Variants in ZMYND11 observed in about 807,000 individuals in gnomAD.
ZMYND11 encodes zinc finger MYND-type containing 11.
In ZMYND11, 9 loss-of-function variants were observed where a neutral mutation model predicts 84.9. That is an observed-to-expected ratio of 0.11 (90% CI 0.06 to 0.18). ZMYND11 has a LOEUF of 0.18. Ranked by LOEUF, ZMYND11 falls within the 10% of genes least tolerant of loss-of-function variation. The pLI, the probability that ZMYND11 is intolerant of heterozygous loss-of-function variation, is 1.00. For synonymous variants in ZMYND11, 250 were observed against 244.1 expected (o/e 1.02, Z -0.23); for missense variants, 409 against 761.0 (o/e 0.54, Z 5.44).
upstream of ZMYND11, chr10:135,362 CGGGGTCCGGGCGGG>C (rs1835679331): frequency 1.3e-5 from 2 of 150,390 alleles, no homozygotes; most frequent in Non-Finnish European, 3.0e-5. This position sits in a 1 kb window ranked among gnomAD's most constrained non-coding sequence, Gnocchi z 5.6. Context: ...GAGCCGGCGG[CGGGGTCCGGGCGGG>C]GGGGAGCCGG....
chr10:206,973 T>C (rs1944306912), intron 2 of ZMYND11, among the ~76,000 whole-genome samples: 1 of 152,282 alleles, frequency 6.6e-6, no homozygotes, highest in East Asian at 1.9e-4. Context: ...TATCTCCTAA[T>C]GCTATGCCTC....
chr10:207,310 T>A (rs1944374251), intron 2 of ZMYND11, among the ~76,000 whole-genome samples: 1 of 152,220 alleles, frequency 6.6e-6, no homozygotes, highest in Admixed American at 6.5e-5. Context: ...CATGTGCATG[T>A]GTCTTTATAG....
At chr10:209,748 T>C (rs541851316) in intron 2 of ZMYND11, 141 bp from the exon 3 acceptor site, 2,725 of 96,912 alleles carry the variant, frequency 0.028, 16 homozygotes, top group Middle Eastern at 0.076. Flanking sequence ...TCGTGTTCGT[T>C]CTTTATCTTG....
intron 1 of ZMYND11, among the ~76,000 whole-genome samples, chr10:146,830 C>T (rs528411878): frequency 2.5e-4 from 38 of 152,316 alleles, no homozygotes; most frequent in African/African-American, 8.9e-4. Flanking sequence ...ATAAGTCTCA[C>T]AAGATCTGAT....
At position 240,251 on chromosome 10, in the gene ZMYND11, A is replaced by G. The variant is rs547278282; in HGVS notation, c.753+140A>G. 9.4e-5 allele frequency: 64 copies of G among 683,216 alleles called. No individual in the cohort carries two copies. In the African/African-American group the frequency reaches 9.5e-4, roughly 10 times the overall value. 42.3% of individuals were successfully genotyped at this position (683,216 alleles called of 1,614,324 possible). ...CCGGGCGTGGGGGCTCACGCCTGTA[A>G]TCCCAGCACTTTGGGAGGCCAAGTT... On this transcript the variant is annotated intron_variant, in intron 8 of 14. Coordinates refer to ENST00000381604, the MANE Select transcript of ZMYND11 (RefSeq NM_001370100.5).
chr10:144,881 AATATT>A (rs1236319625), intron 1 of ZMYND11, among the ~76,000 whole-genome samples: 8 of 149,942 alleles, frequency 5.3e-5, no homozygotes, highest in African/African-American at 7.3e-5. Context: ...ATATTTTTAA[AATATT>A]AAATATTAAA....
chr10:141,826 T>C (rs1347121146), intron 1 of ZMYND11, among the ~76,000 whole-genome samples: 2 of 152,240 alleles, frequency 1.3e-5, no homozygotes, highest in African/African-American at 4.8e-5. Context: ...AGGATCTTCA[T>C]TCCTAGTTTA....
At chr10:183,724 T>C (rs1848357614) in intron 2 of ZMYND11, among the ~76,000 whole-genome samples, 1 of 152,240 alleles carries the variant, frequency 6.6e-6, no homozygotes, top group African/African-American at 2.4e-5. Flanking sequence ...TTGGAATTCA[T>C]GCATTTAATT....
At chr10:148,367 G>T (rs2131275087) in intron 1 of ZMYND11, 1 of 149,598 alleles carries the variant, frequency 6.7e-6, no homozygotes, top group East Asian at 2.0e-4. Context: ...AACTTCCTTT[G>T]CTCTGGGAAG....
chr10:186,558 T>C (rs1219404633), intron 2 of ZMYND11, among the ~76,000 whole-genome samples: 2 of 145,418 alleles, frequency 1.4e-5, no homozygotes, highest in African/African-American at 2.5e-5. Context: ...GGAGAATCAC[T>C]TGAATCTGGG....
Position 227,555 on chromosome 10 carries a change from A to G in ZMYND11, c.438+6199A>G, listed in dbSNP as rs957649288. Among the ~76,000 whole-genome samples, 3 of 152,172 alleles carry G rather than the reference A, an allele frequency of 2.0e-5. No individual in the cohort carries two copies. The East Asian group carries it at 5.8e-4, about 29-fold the overall frequency. On this transcript the variant is annotated intron_variant, in intron 4 of 14. Transcript: ENST00000381604. The stretch of plus-strand genomic sequence containing the variant: ...TGTTGTTGAGATAGTTAAAGAAAAA[A>G]AAATCATGATGAAGTCTCTCTGTTG...
chr10:221,982 T>C (rs1180286239), intron 4 of ZMYND11, among the ~76,000 whole-genome samples: 2 of 152,200 alleles, frequency 1.3e-5, no homozygotes, highest in East Asian at 3.9e-4. Flanking sequence ...ATACTGTGAT[T>C]GTTAGTTGCA....
At chr10:233,485 C>T (rs112270706) in intron 4 of ZMYND11, among the ~76,000 whole-genome samples, 106 of 152,220 alleles carry the variant, frequency 7.0e-4, no homozygotes, top group African/African-American at 2.4e-3. Context: ...GTGGTCCTAA[C>T]GTAATAAACA....
chr10:191,904 G>A lies in ZMYND11; in HGVS notation c.116+11776G>A, dbSNP rs76481483. ...CACAATGCACAGTGTTTCATCTGGC[G>A]AGACTGCACTGTAATATGAGCTGGG... On this transcript the variant is annotated intron_variant, in intron 2 of 14. Transcript: ENST00000381604. Among the ~76,000 whole-genome samples, 445 of 152,258 alleles carry A rather than the reference G, an allele frequency of 2.9e-3. 1 individual carries two copies. The highest frequency in any genetic ancestry group is 0.01 in the African/African-American group (427 of 41,554).
chr10:208,231 G>A (rs1347730286), intron 2 of ZMYND11, among the ~76,000 whole-genome samples: 2 of 152,150 alleles, frequency 1.3e-5, no homozygotes, highest in African/African-American at 2.4e-5. Context: ...CAGGACATAG[G>A]CATGGGCAAG....
At chr10:158,993 T>TTTG (rs1842363291) in intron 1 of ZMYND11, among the ~76,000 whole-genome samples, 1 of 145,414 alleles carries the variant, frequency 6.9e-6, no homozygotes, top group African/African-American at 2.6e-5. Context: ...TGTTTTTTGT[T>TTTG]TTTTTTTTTT....
At chr10:180,607 G>T (rs1847669334) in intron 2 of ZMYND11, among the ~76,000 whole-genome samples, 2 of 152,186 alleles carry the variant, frequency 1.3e-5, no homozygotes, top group Non-Finnish European at 2.9e-5. Flanking sequence ...CACCATGTTG[G>T]CCAGGCTGAT....
chr10:170,431 C>CATGT (rs1554765357), intron 1 of ZMYND11, among the ~76,000 whole-genome samples: 4 of 147,712 alleles, frequency 2.7e-5, no homozygotes, highest in African/African-American at 9.9e-5. Flanking sequence ...ATTATGTGTG[C>CATGT]GTGTGTGTGT....
At position 136,804 on chromosome 10, in the gene ZMYND11, CTG is replaced by C. The variant is rs573503490; in HGVS notation, c.-20+1249_-20+1250del. ...GGTGTGTACATAGTATCCTTTCACA[CTG>C]TGTATGCAGCACCCAGTGTCATATA... is the stretch of plus-strand genomic sequence containing the variant. On this transcript the variant is annotated intron_variant, in intron 1 of 14. Transcript: ENST00000381604. Among the ~76,000 whole-genome samples, 108 of 152,186 alleles carry C rather than the reference CTG, an allele frequency of 7.1e-4. 3 individuals carry two copies. In the Middle Eastern group the frequency reaches 0.014, roughly 19 times the overall value.
Sources: gnomAD v4.1 joint callset for allele counts (sites outside exome capture counted in the v4.1 genomes callset) on GRCh38, gnomAD v4.1.1 for gene constraint, Gnocchi (gnomAD v3.1) non-coding constraint, MANE v1.5 for transcripts, NCBI Gene and HGNC (gene_info 2026-07-23, HGNC 2026-07-21) for gene names.